Variants in MYO18B observed in about 807,000 individuals in gnomAD.
The protein encoded by MYO18B is unconventional myosin-XVIIIb.
Under a neutral mutation model 273.0 loss-of-function variants are expected in MYO18B, and 204 were observed. The observed-to-expected ratio is 0.75, with a 90% CI of 0.67 to 0.84. MYO18B has a LOEUF of 0.84. Ranked by LOEUF, MYO18B falls within the 40% of genes least tolerant of loss-of-function variation. The pLI is 0.00. For missense variants in MYO18B, 3,212 were observed against 3,287.6 expected (o/e 0.98, Z 0.56); for synonymous variants, 1,330 against 1,305.7 (o/e 1.02, Z -0.40).
At chr22:26,035,419 T>C (rs574955901), downstream of MYO18B, among the ~76,000 whole-genome samples, 3 of 152,328 alleles carry the variant, frequency 2.0e-5, no homozygotes, top group South Asian at 4.1e-4. Flanking sequence ...CAAAGCCTGT[T>C]CTTCCTAGGC....
At chr22:25,822,130 C>A (rs1167413969) in intron 12 of MYO18B, among the ~76,000 whole-genome samples, 1 of 152,182 alleles carries the variant, frequency 6.6e-6, no homozygotes, top group Non-Finnish European at 1.5e-5. Flanking sequence ...GGTTCCTCTC[C>A]CCACCCCGTT....
intron 11 of MYO18B, among the ~76,000 whole-genome samples, chr22:25,792,865 G>A (rs1038881581): frequency 1.3e-5 from 2 of 152,214 alleles, no homozygotes; most frequent in African/African-American, 2.4e-5. Context: ...CAGGTTGGTT[G>A]TAGAAACATC....
rs1462021931 is a variant in MYO18B, at chr22:25,950,540, G to GTGTGTGTGTGTA, written c.5832+93_5832+104dup. 128 of 728,244 alleles carry GTGTGTGTGTGTA rather than the reference G, an allele frequency of 1.8e-4. 1 individual carries two copies. The highest frequency in any genetic ancestry group is 1.1e-3 in the Middle Eastern group (3 of 2,638). 45.1% of individuals were successfully genotyped at this position (728,244 alleles called of 1,614,324 possible). On this transcript the variant is annotated intron_variant, in intron 37 of 43. Coordinates refer to ENST00000335473, the MANE Select transcript of MYO18B (RefSeq NM_032608.7). ...AGGATGTGTGTGTGTGTGTGTGTGT[G>GTGTGTGTGTGTA]TGTGTGTGTGTATGAGTTTATTGTT...
At chr22:25,862,443 G>A (rs1292652271) in intron 21 of MYO18B, among the ~76,000 whole-genome samples, 3 of 152,054 alleles carry the variant, frequency 2.0e-5, no homozygotes, top group East Asian at 1.9e-4. Flanking sequence ...TTTGAATTAC[G>A]TGTGATATGA....
chr22:26,058,136 A>G, the MYO18B span, among the ~76,000 whole-genome samples: 3 of 152,244 alleles, frequency 2.0e-5, no homozygotes, highest in East Asian at 3.8e-4. Context: ...CAAAAATGCT[A>G]TCACTTTCAG....
At chr22:25,792,530 C>G (rs533847201) in intron 11 of MYO18B, among the ~76,000 whole-genome samples, 125 of 117,130 alleles carry the variant, frequency 1.1e-3, no homozygotes, top group African/African-American at 3.8e-3. Flanking sequence ...GAGTCTGGCT[C>G]TGTGCCCAGG....
rs1274279902 is a variant in MYO18B at position 26,007,583 on chromosome 22, G to A, written c.6470+2728G>A. Among the ~76,000 whole-genome samples, 6 of 152,154 alleles carry A rather than the reference G, an allele frequency of 3.9e-5. No individual in the cohort carries two copies. The East Asian group carries it at 1.2e-3, about 29-fold the overall frequency. On this transcript the variant is annotated intron_variant, in intron 42 of 43. Transcript: ENST00000335473. ...CAAGACAAAGTGCTACTGAGCACCA[G>A]ATCCTACGACATTAAGCCCTAAAAA...
At chr22:25,906,460 C>T (rs958057304) in intron 31 of MYO18B, among the ~76,000 whole-genome samples, 5 of 152,244 alleles carry the variant, frequency 3.3e-5, no homozygotes, top group African/African-American at 4.8e-5. Context: ...CTCCTCACCA[C>T]GGCATAGCAG....
At chr22:25,777,901 A>C (rs2086978529) in intron 8 of MYO18B, 120 bp downstream of exon 8, 1 of 978,622 alleles carries the variant, frequency 1.0e-6, no homozygotes, top group African/African-American at 1.7e-5. Flanking sequence ...AGATATGTGC[A>C]GACCCCATGC....
At chr22:25,758,928 G>C (rs1375772530) in intron 1 of MYO18B, among the ~76,000 whole-genome samples, 1 of 152,016 alleles carries the variant, frequency 6.6e-6, no homozygotes, top group Non-Finnish European at 1.5e-5. Context: ...CTAATTTTTT[G>C]TATTTTTAGT....
intron 11 of MYO18B, among the ~76,000 whole-genome samples, chr22:25,787,329 T>G: frequency 6.8e-6 from 1 of 147,660 alleles, no homozygotes; most frequent in Non-Finnish European, 1.5e-5. Context: ...TACACAGTGC[T>G]GAGTATTATC....
In MYO18B at chr22:25,868,309, T is replaced by G. The variant is rs1442614129; in HGVS notation, c.3886-11T>G. The G allele has an allele frequency of 2.5e-6, 4 of 1,594,626 alleles. No individual in the cohort carries two copies. The East Asian group carries it at 9.0e-5, about 36-fold the overall frequency. ...CTATGCTGTCTAACTTCTCTCTAAT[T>G]TTTTCCCCAGGCCGTGGAGGAGCTC... On this transcript the variant is annotated splice_polypyrimidine_tract_variant and intron_variant, in intron 21 of 43. Transcript: ENST00000335473.
rs1466809712 is a variant in MYO18B at position 25,955,184 on chromosome 22, G to A, written c.5976G>A (p.Leu1992=). The A allele has an allele frequency of 6.2e-7, 1 of 1,604,540 alleles. No homozygotes were observed. The highest frequency in any genetic ancestry group is 1.7e-5 in the Admixed American group (1 of 59,038). The change falls in exon 39 of 44, where the codon CTG becomes CTA. Residue 1992 remains leucine (L), a synonymous_variant. Coordinates refer to ENST00000335473, the MANE Select transcript of MYO18B (RefSeq NM_032608.7). ...TGTGTCTCTGCCCCTCCCAGGTCCT[G>A]GTGATCCGGCTTCGGGACAGCCTGA... ...QKVQIKRFEV[L]VIRLRDSLIK... is the part of the protein sequence containing the mutation.
chr22:25,926,325 C>G (rs1473268566), intron 34 of MYO18B, among the ~76,000 whole-genome samples: 1 of 151,910 alleles, frequency 6.6e-6, no homozygotes, highest in Non-Finnish European at 1.5e-5. Context: ...ACTGTGTCAT[C>G]CAGGCTGGAG....
intron 1 of MYO18B, among the ~76,000 whole-genome samples, chr22:25,756,056 C>A (rs992707946): frequency 7.2e-5 from 11 of 152,096 alleles, no homozygotes; most frequent in African/African-American, 2.7e-4. Context: ...TGCCACCACG[C>A]CTAGCTAATT....
chr22:26,020,855 A>G (rs935734534), intron 42 of MYO18B, among the ~76,000 whole-genome samples: 18 of 152,280 alleles, frequency 1.2e-4, no homozygotes, highest in Admixed American at 2.6e-4. Flanking sequence ...TTGGGAGGCC[A>G]AGGTGGGTGG....
At chr22:25,864,469 C>T (rs1002239182) in intron 21 of MYO18B, among the ~76,000 whole-genome samples, 1 of 152,086 alleles carries the variant, frequency 6.6e-6, no homozygotes, top group Non-Finnish European at 1.5e-5. Flanking sequence ...GTGGGACAGG[C>T]GTGATTACAC....
At position 25,768,271 on chromosome 22, in the gene MYO18B, C is replaced by T. The variant is rs773128905; in HGVS notation, c.355C>T (p.Gln119Ter). The change falls in exon 4 of 44, where the codon CAG becomes TAG. Residue 119 changes from glutamine to a stop codon, truncating the protein, a stop_gained. Coordinates refer to ENST00000335473, the MANE Select transcript of MYO18B (RefSeq NM_032608.7). LOFTEE classifies it high-confidence loss of function. ...GGGGTCCCGCAGCCCCGACCCTGAG[C>T]AGATGACAAGCATCAATGGTGAGAA... ...SEGSRSPDPE[Q>*]MTSINGEKAQ... 4 of 1,613,986 alleles carry T rather than the reference C, an allele frequency of 2.5e-6. No homozygotes were observed. Among genetic ancestry groups the T allele is most frequent in the Non-Finnish European group, 3.4e-6 (4 of 1,179,894 alleles).
chr22:25,832,396 C>T (rs993701655), intron 15 of MYO18B, among the ~76,000 whole-genome samples: 6 of 152,014 alleles, frequency 3.9e-5, no homozygotes, highest in Non-Finnish European at 8.8e-5. Context: ...AAATGAGATA[C>T]GCATATTACG....
Sources: allele counts gnomAD v4.1 joint callset (sites outside exome capture counted in the v4.1 genomes callset), GRCh38; gene constraint gnomAD v4.1.1; transcripts MANE v1.5; gene names NCBI Gene and HGNC (gene_info 2026-07-23, HGNC 2026-07-21).